The following WDR11 variants were observed in gnomAD, a reference collection of about 807,000 sequenced individuals.
WDR11 encodes WD repeat domain 11.
A neutral mutation model predicts 151.2 loss-of-function variants in WDR11; 83 were observed. The ratio of observed to expected loss-of-function variants is 0.55; its 90% CI spans 0.46 to 0.66. WDR11 has a LOEUF of 0.66. Ranked by LOEUF, WDR11 falls within the 30% of genes least tolerant of loss-of-function variation. The pLI is 0.00. For synonymous variants in WDR11, 484 were observed against 533.1 expected (o/e 0.91, Z 1.27); for missense variants, 1,301 against 1,480.9 (o/e 0.88, Z 1.99).
chr10:120,855,583 T>A (rs1429384422), intron 2 of WDR11, among the ~76,000 whole-genome samples: 1 of 152,222 alleles, frequency 6.6e-6, no homozygotes, highest in Non-Finnish European at 1.5e-5. Flanking sequence ...CTTTCTCCAA[T>A]ATCAAGAAGA....
intron 19 of WDR11, among the ~76,000 whole-genome samples, chr10:120,893,099 G>C (rs1211720603): frequency 6.6e-6 from 1 of 150,708 alleles, no homozygotes; most frequent in Non-Finnish European, 1.5e-5. Flanking sequence ...GTGCCATGTT[G>C]GTGTGCTGCA....
At chr10:120,862,631 T>G in intron 4 of WDR11, 104 bp from the exon 5 acceptor site, 1 of 1,169,420 alleles carries the variant, frequency 8.6e-7, no homozygotes, top group South Asian at 1.2e-5. Flanking sequence ...GCCAGTTATA[T>G]ATTATTAAAA....
At chr10:120,895,546 T>C (rs1335245368) in intron 19 of WDR11, among the ~76,000 whole-genome samples, 1 of 151,734 alleles carries the variant, frequency 6.6e-6, no homozygotes, top group Non-Finnish European at 1.5e-5. Context: ...AAATCTTTAA[T>C]AAGAATAAAC....
In WDR11 at chr10:120,890,880, G is replaced by A; in HGVS notation, c.2508G>A (p.Glu836=). The change falls in exon 19 of 29, where the codon GAG becomes GAA. Residue 836 remains glutamate (E), a synonymous_variant. Coordinates refer to ENST00000263461, the MANE Select transcript of WDR11 (RefSeq NM_018117.12). ...CGTGCTTTAGAATGGATGAACAAGA[G>A]TTAACCGGTATGGAATCCTAATGAT... ...KSACFRMDEQ[E]LTEPVWCPYL... is the part of the protein sequence containing the mutation. 6.2e-7 allele frequency: 1 copy of A among 1,614,150 alleles called. No individual in the cohort carries two copies. The highest frequency in any genetic ancestry group is 8.5e-7 in the Non-Finnish European group (1 of 1,180,024).
intron 13 of WDR11, among the ~76,000 whole-genome samples, chr10:120,882,941 G>A (rs1481193958): frequency 2.0e-5 from 3 of 152,036 alleles, no homozygotes; most frequent in Admixed American, 2.0e-4. Flanking sequence ...AAAATGTAAT[G>A]TAAACAGTTA....
intron 5 of WDR11, among the ~76,000 whole-genome samples, chr10:120,863,457 A>G (rs1846207400): frequency 6.6e-6 from 1 of 152,220 alleles, no homozygotes; most frequent in Non-Finnish European, 1.5e-5. Flanking sequence ...ATAAGGCTTT[A>G]AAGTATTTCA....
intron 26 of WDR11, 90 bp from the exon 27 acceptor site, chr10:120,905,786 C>T: frequency 1.2e-6 from 2 of 1,609,904 alleles, no homozygotes; most frequent in Admixed American, 3.3e-5. Flanking sequence ...GCCTGTATTT[C>T]ATAGAAACAG....
chr10:120,903,967 TC>T, intron 23 of WDR11, 79 bp from the exon 24 acceptor site: 2 of 929,718 alleles, frequency 2.2e-6, no homozygotes, highest in Non-Finnish European at 3.4e-6. Context: ...ATTAAAATGA[TC>T]TTATTAAGTA....
At chr10:120,897,219 A>G (rs886676767) in intron 19 of WDR11, among the ~76,000 whole-genome samples, 2 of 152,224 alleles carry the variant, frequency 1.3e-5, no homozygotes, top group African/African-American at 4.8e-5. Context: ...GAAGTGGGCA[A>G]GAAGCAAAAG....
chr10:120,867,002 G>T, intron 8 of WDR11, 64 bp from the exon 9 acceptor site: 1 of 1,353,474 alleles, frequency 7.4e-7, no homozygotes, highest in South Asian at 1.2e-5. Flanking sequence ...TTAATACTTT[G>T]AATTCCTAAT....
chr10:120,857,655 T>C (rs938961734), intron 2 of WDR11, among the ~76,000 whole-genome samples: 2 of 152,234 alleles, frequency 1.3e-5, no homozygotes, highest in African/African-American at 4.8e-5. Flanking sequence ...TTTTCATGAA[T>C]ACTACTGCAA....
intron 1 of WDR11, 136 bp downstream of exon 1, chr10:120,851,642 C>T (rs944542709): frequency 2.9e-6 from 3 of 1,045,438 alleles, no homozygotes; most frequent in East Asian, 2.6e-5. Context: ...AATGAGCTTG[C>T]TTTCAGTTGG....
chr10:120,873,348 A>C (rs1846614961), intron 10 of WDR11, among the ~76,000 whole-genome samples: 1 of 152,186 alleles, frequency 6.6e-6, no homozygotes, highest in Non-Finnish European at 1.5e-5. Flanking sequence ...AATTGCAGAA[A>C]CCACAGTTAA....
At chr10:120,903,387 G>C (rs1847904355) in intron 23 of WDR11, among the ~76,000 whole-genome samples, 155 bp downstream of exon 23, 1 of 152,012 alleles carries the variant, frequency 6.6e-6, no homozygotes. Flanking sequence ...GCACGTGCCT[G>C]TAGTCCCAGC....
At chr10:120,902,172 A>C (rs1003766457) in intron 21 of WDR11, 85 bp from the exon 22 acceptor site, 5 of 1,110,326 alleles carry the variant, frequency 4.5e-6, no homozygotes, top group African/African-American at 1.5e-5. Context: ...GGAATTTTTC[A>C]TTTCAAGAGT....
chr10:120,889,030 TATAC>T, intron 16 of WDR11, 44 bp from the exon 17 acceptor site: 1 of 1,320,110 alleles, frequency 7.6e-7, no homozygotes, highest in Non-Finnish European at 1.1e-6. Flanking sequence ...TATAATGTCT[TATAC>T]AGCATAGTGA....
chr10:120,902,321 A>T lies in WDR11; in HGVS notation c.2752A>T (p.Arg918Trp), dbSNP rs770989864. Reference protein sequence around the residue: ...TLLQRCLLVSRLYGDESELHF... With the variant: ...TLLQRCLLVSWLYGDESELHF... Reference sequence around the variant, plus strand: ...CTTGCAGAGGTGCCTGCTTGTTTCAAGGTAATATTGTTTGATGTATTCTGT... The same window carrying T: ...CTTGCAGAGGTGCCTGCTTGTTTCATGGTAATATTGTTTGATGTATTCTGT... Residue 918 changes from arginine (R) to tryptophan (W), a missense_variant and splice_region_variant, in exon 22 of 29, where the codon AGG becomes TGG. Coordinates refer to ENST00000263461, the MANE Select transcript of WDR11 (RefSeq NM_018117.12). 1.2e-6 allele frequency: 2 copies of T among 1,613,270 alleles called. No homozygotes were observed. Among genetic ancestry groups the T allele is most frequent in the Non-Finnish European group, 1.7e-6 (2 of 1,179,282 alleles).
chr10:120,863,896 AC>A (rs532230539), intron 5 of WDR11, among the ~76,000 whole-genome samples: 1 of 152,180 alleles, frequency 6.6e-6, no homozygotes, highest in Non-Finnish European at 1.5e-5. Context: ...TGCCAAAATG[AC>A]TTAAGATTAC....
intron 11 of WDR11, among the ~76,000 whole-genome samples, chr10:120,877,066 T>C (rs559334752): frequency 7.9e-5 from 12 of 152,340 alleles, no homozygotes; most frequent in African/African-American, 2.9e-4. Flanking sequence ...ACATGTTGTC[T>C]TTTCAAACAC....
Sources: allele counts gnomAD v4.1 joint callset (sites outside exome capture counted in the v4.1 genomes callset), GRCh38; gene constraint gnomAD v4.1.1; transcripts MANE v1.5; gene names NCBI Gene and HGNC (gene_info 2026-07-23, HGNC 2026-07-21).